Variants in SMG6 observed in about 807,000 individuals in gnomAD.
The protein encoded by SMG6 is telomerase-binding protein EST1A.
A neutral mutation model predicts 142.2 loss-of-function variants in SMG6; 66 were observed. The ratio of observed to expected loss-of-function variants is 0.46; its 90% confidence interval spans 0.38 to 0.57. The LOEUF (loss-of-function observed/expected upper bound fraction) is 0.57, where lower values mean the gene tolerates loss of function less well. Ranked by LOEUF, SMG6 falls within the 20% of genes least tolerant of loss-of-function variation. The probability of loss-of-function intolerance (pLI) is 0.00; values close to 1 mark genes in which losing one functional copy is unlikely to be tolerated. For missense variants in SMG6, 1,793 were observed against 1,832.0 expected, an observed-to-expected ratio of 0.98 and a Z score of 0.39; for synonymous variants, 779 against 702.4, an observed-to-expected ratio of 1.11 and a Z score of -1.72.
chr17:2,144,098 G>A (rs1567633571), intron 13 of SMG6, among the ~76,000 whole-genome samples: 1 of 110,028 alleles, frequency 9.1e-6, no homozygotes, highest in Non-Finnish European at 1.8e-5. Flanking sequence ...CACTCTTGTT[G>A]CCCAGGCTGG....
At chr17:2,080,549 T>C (rs2068388837) in intron 15 of SMG6, among the ~76,000 whole-genome samples, 1 of 152,266 alleles carries the variant, frequency 6.6e-6, no homozygotes, top group Non-Finnish European at 1.5e-5. Context: ...CTAAGTGCCA[T>C]GCACTATGCT....
At chr17:2,172,905 G>A (rs1567657618) in intron 12 of SMG6, 46 bp from the exon 13 acceptor site, 7 of 1,538,026 alleles carry the variant, frequency 4.6e-6, no homozygotes, top group Middle Eastern at 1.7e-4. Flanking sequence ...AGAGGGACCA[G>A]TAAAAAAAAG....
chr17:2,283,078 G>A (rs2074826505), intron 7 of SMG6, among the ~76,000 whole-genome samples: 1 of 152,178 alleles, frequency 6.6e-6, no homozygotes, highest in Non-Finnish European at 1.5e-5. Context: ...GCTGAGGCAT[G>A]AGAATCACTT....
chr17:2,214,195 G>A (rs530152020), intron 10 of SMG6: 7 of 152,336 alleles, frequency 4.6e-5, no homozygotes, highest in African/African-American at 1.2e-4. Flanking sequence ...CACTTTGGGA[G>A]GCCTGTCACG....
chr17:2,281,449 A>G (rs1430967134), intron 8 of SMG6, among the ~76,000 whole-genome samples: 7 of 151,978 alleles, frequency 4.6e-5, no homozygotes, highest in Admixed American at 4.6e-4. Context: ...CTTCTCCCTG[A>G]GCTCCCCACG....
intron 10 of SMG6, among the ~76,000 whole-genome samples, chr17:2,196,416 T>C (rs1267769016): frequency 6.6e-6 from 1 of 152,120 alleles, no homozygotes; most frequent in Non-Finnish European, 1.5e-5. Flanking sequence ...TGACAAACTC[T>C]GTCTCAAAAA....
chr17:2,163,324 C>A (rs2071238227), intron 13 of SMG6, among the ~76,000 whole-genome samples: 1 of 152,064 alleles, frequency 6.6e-6, no homozygotes, highest in East Asian at 1.9e-4. Flanking sequence ...GTAGCTAGGA[C>A]CACAGACGGA....
In SMG6 at chr17:2,300,223, A is replaced by C. The variant is rs1231572805; in HGVS notation, c.530T>G (p.Val177Gly). ...EVLNQVEQLR[V>G]EEDECRGNVA... Reference sequence around the variant, plus strand: ...ATTTCCCCTACACTCATCTTCCTCTACTCTCAGTTGTTCTACCTGGTTGAG... The same window carrying C: ...ATTTCCCCTACACTCATCTTCCTCTCCTCTCAGTTGTTCTACCTGGTTGAG... The change falls in exon 2 of 19, where the codon GTA (valine) becomes GGA (glycine). Residue 177 changes from valine (V) to glycine (G), a missense_variant. Val to Gly is a moderately radical substitution (Grantham distance 109). Coordinates refer to ENST00000263073, the MANE Select transcript of SMG6 (RefSeq NM_017575.5). The C allele has an allele frequency of 6.2e-7, 1 of 1,612,526 alleles. No individual in the cohort carries two copies. Among genetic ancestry groups the C allele is most frequent in the Admixed American group, 1.7e-5 (1 of 59,828 alleles).
At chr17:2,088,051 G>T in intron 13 of SMG6, 1 of 985,496 alleles carries the variant, frequency 1.0e-6, no homozygotes, top group Non-Finnish European at 1.2e-6. Flanking sequence ...AGTGAGAAGA[G>T]GACAGAGGAA....
intron 8 of SMG6, among the ~76,000 whole-genome samples, chr17:2,280,008 C>T (rs1163673778): frequency 1.3e-5 from 2 of 152,140 alleles, no homozygotes. Context: ...TAATGACACA[C>T]CTATGTCTTC....
chr17:2,187,532 G>A (rs1178523805), intron 11 of SMG6, among the ~76,000 whole-genome samples: 2 of 152,050 alleles, frequency 1.3e-5, no homozygotes. Context: ...GGGGGTAAAG[G>A]GCCCGCAACT....
chr17:2,168,107 C>T (rs908132010), intron 13 of SMG6, among the ~76,000 whole-genome samples: 7 of 152,164 alleles, frequency 4.6e-5, no homozygotes, highest in African/African-American at 1.7e-4. Context: ...GTCTCAAGTG[C>T]TCCTCCCACT....
chr17:2,235,228 A>T (rs922184610), intron 10 of SMG6, among the ~76,000 whole-genome samples: 5 of 152,198 alleles, frequency 3.3e-5, no homozygotes, highest in Admixed American at 2.0e-4. Context: ...AAAATTAGCC[A>T]AGTTCAAAAA....
At chr17:2,300,806 C>A in intron 1 of SMG6, 142 bp from the exon 2 acceptor site, 1 of 715,368 alleles carries the variant, frequency 1.4e-6, no homozygotes, top group Non-Finnish European at 2.2e-6. Context: ...TACTGGTAGG[C>A]AAAGAAGGAC....
chr17:2,123,615 T>G (rs776938010), intron 13 of SMG6, among the ~76,000 whole-genome samples: 1 of 152,148 alleles, frequency 6.6e-6, no homozygotes, highest in African/African-American at 2.4e-5. Flanking sequence ...ACCCACAGTA[T>G]GCCAAAAGGG....
intron 8 of SMG6, among the ~76,000 whole-genome samples, chr17:2,272,278 C>G (rs760064844): frequency 1.3e-5 from 2 of 152,164 alleles, no homozygotes; most frequent in East Asian, 3.9e-4. Flanking sequence ...ACTCTCTTCC[C>G]ACTCTGCCCA....
intron 13 of SMG6, among the ~76,000 whole-genome samples, chr17:2,168,884 GA>G (rs2071420177): frequency 6.6e-6 from 1 of 151,698 alleles, no homozygotes; most frequent in Non-Finnish European, 1.5e-5. Context: ...GAGTAGCTGG[GA>G]TTACACGGCC....
intron 8 of SMG6, chr17:2,280,668 T>C (rs1350460996): frequency 1.3e-6 from 1 of 789,168 alleles, no homozygotes; most frequent in Non-Finnish European, 1.5e-6. Context: ...AAGGATGATG[T>C]ACAAACTAAA....
At chr17:2,303,196 T>G in intron 1 of SMG6, 1 of 985,432 alleles carries the variant, frequency 1.0e-6, no homozygotes, top group South Asian at 4.7e-5. Context: ...CGCAGGCTCT[T>G]AAACCTTTCT....
Sources: allele counts gnomAD v4.1 joint callset (sites outside exome capture counted in the v4.1 genomes callset), GRCh38; gene constraint gnomAD v4.1.1; transcripts MANE v1.5; gene names NCBI Gene and HGNC (gene_info 2026-07-23, HGNC 2026-07-21).